The following MAP3K4 variants were observed in gnomAD, a reference collection of about 807,000 sequenced individuals.
MAP3K4 encodes the protein MAP three kinase 1.
MAP3K4 carries 67 observed loss-of-function variants against 185.6 expected under a neutral mutation model. The ratio of observed to expected loss-of-function variants is 0.36; its 90% CI spans 0.30 to 0.44. The LOEUF (loss-of-function observed/expected upper bound fraction) is 0.44. Ranked by LOEUF, MAP3K4 falls within the 20% of genes least tolerant of loss-of-function variation. The pLI, the probability that MAP3K4 is intolerant of heterozygous loss-of-function variation, is 1.00. For missense variants in MAP3K4, 1,551 were observed against 1,995.1 expected (o/e 0.78, Z 4.24); for synonymous variants, 702 against 710.4 (o/e 0.99, Z 0.19).
In MAP3K4 at chr6:161,034,567, G is replaced by T; in HGVS notation, c.343+118G>T. 2.7e-6 allele frequency: 2 copies of T among 729,560 alleles called. No individual in the cohort carries two copies. The highest frequency in any genetic ancestry group is 3.8e-6 in the Non-Finnish European group (2 of 525,464). 45.2% of individuals were successfully genotyped at this position (729,560 alleles called of 1,614,324 possible). A position where few individuals can be genotyped will look rare whatever the true frequency, so the allele number is the denominator to read the frequency against. On this transcript the variant is annotated intron_variant, in intron 2 of 26. Transcript: ENST00000392142. The surrounding 1 kb of genome is among the most constrained non-coding windows in gnomAD (Gnocchi z 4.4). ...AATTTGATTTTAATGCTCCTGTAAAGTTCAATTTTTTTTTGAATTATTACC... is the reference window on the plus strand; with the variant it reads ...AATTTGATTTTAATGCTCCTGTAAATTTCAATTTTTTTTTGAATTATTACC...
At chr6:161,069,557 G>A (rs1014746722) in intron 3 of MAP3K4, among the ~76,000 whole-genome samples, 2 of 152,102 alleles carry the variant, frequency 1.3e-5, no homozygotes, top group African/African-American at 2.4e-5. Context: ...AGTTGTTTGG[G>A]CCATATTTGG....
intron 1 of MAP3K4, among the ~76,000 whole-genome samples, chr6:160,999,815 G>A (rs1291629085): frequency 3.9e-5 from 6 of 152,174 alleles, no homozygotes; most frequent in Non-Finnish European, 7.3e-5. Flanking sequence ...TTTTCTGGAT[G>A]AATTGGACTC....
rs1179877150 is a variant in MAP3K4, at chr6:161,007,474, T to C, written c.152+15391T>C. ...ACACAGAACGTGGATTTCCTATCCA[T>C]TGCTCTCTTAAGGAGCACAGGGCTC... On this transcript the variant is annotated intron_variant, in intron 1 of 26. Transcript: ENST00000392142. This position sits in a 1 kb window ranked among gnomAD's most constrained non-coding sequence, Gnocchi z 4.5. Among the ~76,000 whole-genome samples the C allele has an allele frequency of 6.6e-6, 1 of 152,188 alleles. No individual in the cohort carries two copies. Among genetic ancestry groups the C allele is most frequent in the Non-Finnish European group, 1.5e-5 (1 of 68,020 alleles).
intron 2 of MAP3K4, among the ~76,000 whole-genome samples, chr6:161,040,356 C>T (rs1783395298): frequency 6.6e-6 from 1 of 152,116 alleles, no homozygotes; most frequent in Non-Finnish European, 1.5e-5. Context: ...TATACAGCTT[C>T]AGAAATGTCT....
intron 1 of MAP3K4, among the ~76,000 whole-genome samples, chr6:161,030,016 A>C (rs1367422234): frequency 6.6e-6 from 1 of 152,198 alleles, no homozygotes. Context: ...TGATGTACAT[A>C]ACAACAGACT....
intron 3 of MAP3K4, among the ~76,000 whole-genome samples, chr6:161,059,165 T>C (rs1442584157): frequency 6.6e-6 from 1 of 151,490 alleles, no homozygotes; most frequent in East Asian, 1.9e-4. Flanking sequence ...AGTCAGAGCC[T>C]CACACTGTTG....
Position 161,115,305 on chromosome 6 carries a change from T to C in MAP3K4, c.4806+3T>C. On this transcript the variant is annotated splice_donor_region_variant and intron_variant, in intron 26 of 26. Transcript: ENST00000392142. This position sits in a 1 kb window ranked among gnomAD's most constrained non-coding sequence, Gnocchi z 6.0. Reference sequence around the variant, plus strand: ...TCCTCGACCATTCGTTTGTCAAGGTTTGGCAGATTACTGGATAGTCTTTTT... The same window carrying C: ...TCCTCGACCATTCGTTTGTCAAGGTCTGGCAGATTACTGGATAGTCTTTTT... 6.2e-7 allele frequency: 1 copy of C among 1,611,278 alleles called. No homozygotes were observed. Among genetic ancestry groups the C allele is most frequent in the Non-Finnish European group, 8.5e-7 (1 of 1,178,034 alleles).
intron 2 of MAP3K4, among the ~76,000 whole-genome samples, chr6:161,041,914 TTTTTTTTTTTTC>T (rs1439542527): frequency 3.5e-4 from 18 of 50,962 alleles, no homozygotes; most frequent in African/African-American, 8.2e-4. Flanking sequence ...TATTGTTTCT[TTTTTTTTTTTTC>T]TTTTTTTTTT....
chr6:161,012,950 AC>A (rs1781916705), intron 1 of MAP3K4, among the ~76,000 whole-genome samples: 2 of 152,194 alleles, frequency 1.3e-5, no homozygotes, highest in Admixed American at 1.3e-4. Context: ...GCTGGAAGTT[AC>A]TACCAGTTTC....
In MAP3K4 at chr6:161,034,496, T is replaced by C; in HGVS notation, c.343+47T>C. On this transcript the variant is annotated intron_variant, in intron 2 of 26. Coordinates refer to ENST00000392142, the MANE Select transcript of MAP3K4 (RefSeq NM_005922.4). This position sits in a 1 kb window ranked among gnomAD's most constrained non-coding sequence, Gnocchi z 4.4. ...AGGTGTACATGAGAGGGTATGGCAC[T>C]TGATTGATTCTTTCAACAATAAAGT... is the stretch of plus-strand genomic sequence containing the variant. 8 of 1,420,554 alleles carry C rather than the reference T, an allele frequency of 5.6e-6. No homozygotes were observed. Among genetic ancestry groups the C allele is most frequent in the Non-Finnish European group, 7.7e-6 (8 of 1,033,104 alleles). 88.0% of individuals were successfully genotyped at this position (1,420,554 alleles called of 1,614,324 possible).
chr6:161,009,886 G>C (rs1173456452), intron 1 of MAP3K4, among the ~76,000 whole-genome samples: 1 of 152,114 alleles, frequency 6.6e-6, no homozygotes, highest in Non-Finnish European at 1.5e-5. Context: ...GCGGGGAAGA[G>C]CACTAGGGAA....
rs1003413642 is a variant in MAP3K4, at chr6:160,991,883, C to T, written c.-49C>T. On this transcript the variant is annotated 5_prime_UTR_variant, in exon 1 of 27. Coordinates refer to ENST00000392142, the MANE Select transcript of MAP3K4 (RefSeq NM_005922.4). This position sits in a 1 kb window ranked among gnomAD's most constrained non-coding sequence, Gnocchi z 5.7. Reference sequence around the variant, plus strand: ...ACTTCGGGGCTCCGGTGCCCCGCGCCAGGCTGCAGCTTACTGCCCGCCGCG... The same window carrying T: ...ACTTCGGGGCTCCGGTGCCCCGCGCTAGGCTGCAGCTTACTGCCCGCCGCG... The T allele has an allele frequency of 6.2e-6, 9 of 1,454,932 alleles. No homozygotes were observed. Among genetic ancestry groups the T allele is most frequent in the African/African-American group, 5.9e-5 (4 of 67,396 alleles). The allele number at this position is 1,454,932 out of a possible 1,614,324, so 90.1% of individuals were successfully genotyped here.
chr6:161,045,476 T>G (rs1469968461), intron 2 of MAP3K4, among the ~76,000 whole-genome samples: 2 of 152,188 alleles, frequency 1.3e-5, no homozygotes, highest in Non-Finnish European at 2.9e-5. Context: ...GATTGTGGCA[T>G]TTTTTCTTAG....
chr6:161,021,575 G>A (rs73593208), intron 1 of MAP3K4, among the ~76,000 whole-genome samples: 1,771 of 152,258 alleles, frequency 0.012, 42 homozygotes, highest in African/African-American at 0.041. Context: ...AGTTCTCCAG[G>A]TTAGGTCCTA....
At position 161,073,445 on chromosome 6, in the gene MAP3K4, C is replaced by G; in HGVS notation, c.1951-21C>G. ...TGGTTGGAGTTTATGGCTGCTGGAA[C>G]CTGTGTGTGTTGTTTTGCAGCTGGT... On this transcript the variant is annotated intron_variant, in intron 4 of 26. Transcript: ENST00000392142. This position sits in a 1 kb window ranked among gnomAD's most constrained non-coding sequence, Gnocchi z 4.2. 1 of 1,550,366 alleles carries G rather than the reference C, an allele frequency of 6.5e-7. No individual in the cohort carries two copies. Among genetic ancestry groups the G allele is most frequent in the Non-Finnish European group, 8.7e-7 (1 of 1,147,038 alleles).
At chr6:161,042,704 T>A (rs954718716) in intron 2 of MAP3K4, among the ~76,000 whole-genome samples, 1 of 152,184 alleles carries the variant, frequency 6.6e-6, no homozygotes, top group African/African-American at 2.4e-5. Context: ...CAGAAGGAAG[T>A]ACATTCAGTT....
chr6:161,108,014 G>C lies in MAP3K4; in HGVS notation c.4119+45G>C, dbSNP rs1424020708. 1 of 1,568,676 alleles carries C rather than the reference G, an allele frequency of 6.4e-7. No homozygotes were observed. ...GGGGCCTTTGGGCCTGGCGGCTCTG[G>C]GTGATAGAAATTCCGTATAGACGCT... On this transcript the variant is annotated intron_variant, in intron 21 of 26. Coordinates refer to ENST00000392142, the MANE Select transcript of MAP3K4 (RefSeq NM_005922.4). The surrounding 1 kb of genome is among the most constrained non-coding windows in gnomAD (Gnocchi z 5.7).
chr6:161,085,695 G>C (rs1274308710), intron 7 of MAP3K4, among the ~76,000 whole-genome samples: 1 of 152,334 alleles, frequency 6.6e-6, no homozygotes, highest in East Asian at 1.9e-4. Context: ...GAATAAATAA[G>C]TTTGTAGGTC....
chr6:161,050,031 A>G, intron 3 of MAP3K4, 52 bp downstream of exon 3: 1 of 1,470,676 alleles, frequency 6.8e-7, no homozygotes, highest in Non-Finnish European at 9.1e-7. Flanking sequence ...CCATTTATTT[A>G]TTGCAAATTA....
Sources: allele counts gnomAD v4.1 joint callset (sites outside exome capture counted in the v4.1 genomes callset), GRCh38; gene constraint gnomAD v4.1.1; non-coding constraint Gnocchi (gnomAD v3.1); transcripts MANE v1.5; gene names NCBI Gene and HGNC (gene_info 2026-07-23, HGNC 2026-07-21).